Variants in PEX7 observed in about 807,000 individuals in gnomAD.
PEX7 encodes the protein peroxisomal biogenesis factor 7.
PEX7 carries 34 observed loss-of-function variants against 47.5 expected under a neutral mutation model. The observed-to-expected ratio is 0.72, with a 90% CI of 0.54 to 0.95. The LOEUF (loss-of-function observed/expected upper bound fraction) is 0.95. Among genes scored for constraint, PEX7 ranks in the 40% least tolerant of loss-of-function variants. The probability of loss-of-function intolerance (pLI) is 0.00; values close to 1 mark genes in which losing one functional copy is unlikely to be tolerated. For synonymous variants in PEX7, 141 were observed against 148.8 expected, an observed-to-expected ratio of 0.95 and a Z score of 0.38; for missense variants, 394 against 400.3, an observed-to-expected ratio of 0.98 and a Z score of 0.13.
rs2115216804 is a variant in PEX7 at position 136,866,687 on chromosome 6, C to G, written c.587C>G (p.Ala196Gly). The G allele has an allele frequency of 6.2e-7, 1 of 1,613,976 alleles. No homozygotes were observed. Among genetic ancestry groups the G allele is most frequent in the South Asian group, 1.1e-5 (1 of 91,082 alleles). ...GCAGGAGTAAGAATCGTGATTCCTG[C>G]ACATCAGGCAGAAATCTTGAGTTGT... ...KAAGVRIVIP[A>G]HQAEILSCDW... Residue 196 changes from alanine (A) to glycine (G), a missense_variant, in exon 6 of 10, where the codon GCA (alanine) becomes GGA (glycine). Physicochemically the swap from Ala to Gly is moderately conservative, Grantham distance 60. Coordinates refer to ENST00000318471, the MANE Select transcript of PEX7 (RefSeq NM_000288.4).
intron 3 of PEX7, among the ~76,000 whole-genome samples, chr6:136,838,881 C>G (rs899819408): frequency 2.6e-5 from 4 of 152,040 alleles, no homozygotes; most frequent in African/African-American, 9.7e-5. Flanking sequence ...ATGAAAAAAC[C>G]TGAAAATTTA....
chr6:136,891,568 G>A (rs1775554503), intron 8 of PEX7, among the ~76,000 whole-genome samples: 1 of 151,570 alleles, frequency 6.6e-6, no homozygotes, highest in African/African-American at 2.4e-5. Context: ...TTTTAATCCA[G>A]TCATGCAAAT....
intron 5 of PEX7, among the ~76,000 whole-genome samples, chr6:136,852,270 C>T (rs1414542122): frequency 6.6e-6 from 1 of 151,686 alleles, no homozygotes; most frequent in East Asian, 1.9e-4. Flanking sequence ...TGCCCTCTCT[C>T]ACCGCTCCTA....
chr6:136,858,113 G>C (rs915439239), intron 5 of PEX7, among the ~76,000 whole-genome samples: 5 of 152,158 alleles, frequency 3.3e-5, no homozygotes, highest in Non-Finnish European at 7.4e-5. Context: ...CACTGCACCC[G>C]ACCTTAAGTA....
At chr6:136,830,962 G>A (rs908108778) in intron 3 of PEX7, among the ~76,000 whole-genome samples, 1 of 152,020 alleles carries the variant, frequency 6.6e-6, no homozygotes, top group East Asian at 1.9e-4. Flanking sequence ...ATTCTGTTAT[G>A]GAGGAAATGT....
intron 9 of PEX7, among the ~76,000 whole-genome samples, chr6:136,909,102 C>T (rs1775893090): frequency 6.6e-6 from 1 of 152,140 alleles, no homozygotes; most frequent in African/African-American, 2.4e-5. Context: ...GAGCCAGAGA[C>T]CAGGACCCTT....
chr6:136,898,827 C>G (rs1775699359), intron 9 of PEX7, among the ~76,000 whole-genome samples: 1 of 151,708 alleles, frequency 6.6e-6, no homozygotes, highest in South Asian at 2.1e-4. Context: ...TTTAAAAAAG[C>G]CTTTTCATTT....
chr6:136,888,247 A>G (rs1775500547), intron 8 of PEX7, among the ~76,000 whole-genome samples: 1 of 152,194 alleles, frequency 6.6e-6, no homozygotes, highest in Admixed American at 6.5e-5. Context: ...ACACAGCTTC[A>G]AATGATCATT....
Position 136,866,644 on chromosome 6 carries a change from A to G in PEX7, c.544A>G (p.Ile182Val). ...ASASGDQTLRIWDVKAAGVRI... is the reference protein window; with the variant it reads ...ASASGDQTLRVWDVKAAGVRI... ...TTTACTAGGTGATCAGACTCTGAGA[A>G]TATGGGATGTGAAGGCAGCAGGAGT... is the stretch of plus-strand genomic sequence containing the variant. Residue 182 changes from isoleucine (I) to valine (V), a missense_variant, in exon 6 of 10, where the codon ATA becomes GTA. By Grantham distance (29) the Ile-to-Val change is conservative. Coordinates refer to ENST00000318471, the MANE Select transcript of PEX7 (RefSeq NM_000288.4). The G allele has an allele frequency of 1.2e-6, 2 of 1,614,020 alleles. No homozygotes were observed. Among genetic ancestry groups the G allele is most frequent in the African/African-American group, 1.3e-5 (1 of 75,048 alleles).
In PEX7 at chr6:136,875,146, G is replaced by GA. The variant is rs1171798382; in HGVS notation, c.803+2902dup. On this transcript the variant is annotated intron_variant, in intron 8 of 9. Coordinates refer to ENST00000318471, the MANE Select transcript of PEX7 (RefSeq NM_000288.4). ...AAGAGCAAAACTCTGTCTCAAAAAA[G>GA]AAAAAAAAAGAACTTTTTTTTTTTA... 2.7e-3 allele frequency among the ~76,000 whole-genome samples: 296 copies of GA among 110,752 alleles called. 3 individuals are homozygous for GA. The highest frequency in any genetic ancestry group is 9.6e-3 in the African/African-American group (265 of 27,614). The allele number at this position is 110,752 out of a possible 152,430, so 72.7% of individuals were successfully genotyped here.
intron 8 of PEX7, among the ~76,000 whole-genome samples, chr6:136,882,717 G>T (rs893434808): frequency 6.6e-6 from 1 of 151,886 alleles, no homozygotes; most frequent in Non-Finnish European, 1.5e-5. Flanking sequence ...AGGACTTTAC[G>T]CCGTGAAGTG....
intron 8 of PEX7, among the ~76,000 whole-genome samples, chr6:136,879,739 G>A (rs1441135839): frequency 6.6e-6 from 1 of 152,040 alleles, no homozygotes; most frequent in Non-Finnish European, 1.5e-5. Context: ...CTCCCATTAT[G>A]TATAAAAGGA....
At chr6:136,876,042 A>T (rs1468499548) in intron 8 of PEX7, among the ~76,000 whole-genome samples, 1 of 140,260 alleles carries the variant, frequency 7.1e-6, no homozygotes. Context: ...CTTTCATTAA[A>T]TTTTTTTTTT....
chr6:136,835,517 G>A (rs892638979), intron 3 of PEX7, among the ~76,000 whole-genome samples: 5 of 152,044 alleles, frequency 3.3e-5, no homozygotes, highest in Non-Finnish European at 5.9e-5. Flanking sequence ...TCGAACTCCT[G>A]ACCTTGTGAT....
intron 5 of PEX7, among the ~76,000 whole-genome samples, chr6:136,856,734 A>G (rs1159829965): frequency 6.6e-6 from 1 of 152,204 alleles, no homozygotes; most frequent in East Asian, 1.9e-4. Context: ...TTGAGGATGG[A>G]AAGAGTGAAT....
At chr6:136,851,969 G>T (rs1453585907) in intron 5 of PEX7, among the ~76,000 whole-genome samples, 1 of 90,014 alleles carries the variant, frequency 1.1e-5, no homozygotes, top group Non-Finnish European at 2.2e-5. Flanking sequence ...CACTCTGATG[G>T]TAGTTTCTTT....
intron 3 of PEX7, among the ~76,000 whole-genome samples, chr6:136,837,593 T>TA (rs1469443943): frequency 6.6e-6 from 1 of 152,120 alleles, no homozygotes; most frequent in Non-Finnish European, 1.5e-5. Flanking sequence ...GGCCTCTAAA[T>TA]ACTGTTTGCC....
At position 136,846,069 on chromosome 6, in the gene PEX7, G is replaced by T. The variant is rs199552223; in HGVS notation, c.418-4G>T. The T allele has an allele frequency of 2.9e-4, 459 of 1,578,064 alleles. 1 individual carries two copies. The highest frequency in any genetic ancestry group is 2.2e-4 in the Non-Finnish European group (256 of 1,147,436). On this transcript the variant is annotated splice_region_variant and splice_polypyrimidine_tract_variant and intron_variant, in intron 4 of 9. Transcript: ENST00000318471. The stretch of plus-strand genomic sequence containing the variant: ...AAGTAATTGATCTATTCATTTATTT[G>T]TAGTGGGATCCAACTGTTGGAAAGT...
intron 5 of PEX7, among the ~76,000 whole-genome samples, chr6:136,856,751 T>C (rs762581177): frequency 1.3e-5 from 2 of 152,104 alleles, no homozygotes; most frequent in Non-Finnish European, 2.9e-5. Context: ...GAATCCAGAT[T>C]AGGTGAATGT....
Sources: allele counts gnomAD v4.1 joint callset (sites outside exome capture counted in the v4.1 genomes callset), GRCh38; gene constraint gnomAD v4.1.1; transcripts MANE v1.5; gene names NCBI Gene and HGNC (gene_info 2026-07-23, HGNC 2026-07-21).